Variants in DPP10 observed in about 807,000 individuals in gnomAD.
DPP10 encodes the protein dipeptidyl peptidase like 10, also known as inactive dipeptidyl peptidase 10.
In DPP10, 33 loss-of-function variants were observed where a neutral mutation model predicts 120.9. The observed-to-expected ratio is 0.27, with a 90% CI of 0.21 to 0.37. DPP10 has a LOEUF of 0.37. DPP10 is among the 10% of genes least tolerant of loss of function. The pLI, the probability that DPP10 is intolerant of heterozygous loss-of-function variation, is 1.00. For missense variants in DPP10, 816 were observed against 942.8 expected (o/e 0.87, Z 1.76); for synonymous variants, 337 against 326.1 (o/e 1.03, Z -0.36).
At chr2:115,464,192 G>A (rs538386086) in intron 3 of DPP10, among the ~76,000 whole-genome samples, 2 of 152,280 alleles carry the variant, frequency 1.3e-5, no homozygotes, top group African/African-American at 4.8e-5. Flanking sequence ...GAAGGGTGAT[G>A]TGATAGAGCA....
chr2:115,264,369 C>T (rs574293259), intron 1 of DPP10, among the ~76,000 whole-genome samples: 1 of 152,220 alleles, frequency 6.6e-6, no homozygotes, highest in Admixed American at 6.5e-5. Flanking sequence ...GTCTTTTAAT[C>T]TGGAGCCTAT....
chr2:115,403,000 A>AT (rs1482103247), intron 3 of DPP10, among the ~76,000 whole-genome samples: 8 of 149,276 alleles, frequency 5.4e-5, no homozygotes. Flanking sequence ...ATAAAGATAC[A>AT]TTTTTTAAAT....
At chr2:115,023,975 A>G (rs1198544922) in intron 1 of DPP10, among the ~76,000 whole-genome samples, 1 of 152,100 alleles carries the variant, frequency 6.6e-6, no homozygotes, top group Non-Finnish European at 1.5e-5. Context: ...GCAAAGGGAT[A>G]AGACTAATAC....
intron 1 of DPP10, among the ~76,000 whole-genome samples, chr2:115,036,738 C>A (rs935380818): frequency 6.6e-6 from 1 of 151,940 alleles, no homozygotes; most frequent in African/African-American, 2.4e-5. Flanking sequence ...TGCTCATTAA[C>A]CTATTTTCTA....
chr2:115,070,853 A>G (rs907298523), intron 1 of DPP10, among the ~76,000 whole-genome samples: 56 of 152,280 alleles, frequency 3.7e-4, no homozygotes, highest in African/African-American at 1.3e-3. Context: ...CTAACTTAGA[A>G]TTTTCTCAAA....
At chr2:115,478,915 A>G (rs2075258738) in intron 3 of DPP10, among the ~76,000 whole-genome samples, 1 of 152,212 alleles carries the variant, frequency 6.6e-6, no homozygotes, top group South Asian at 2.1e-4. Flanking sequence ...ATATTTGGTG[A>G]TGACGTGGAG....
At chr2:115,161,801 C>A in intron 1 of DPP10, 1 of 721,638 alleles carries the variant, frequency 1.4e-6, no homozygotes, top group Non-Finnish European at 2.0e-6. Flanking sequence ...CCCGGTGCCG[C>A]TCTTCTTCCC....
chr2:115,840,616 G>T, intron 24 of DPP10, 134 bp from the exon 25 acceptor site: 1 of 875,912 alleles, frequency 1.1e-6, no homozygotes, highest in Non-Finnish European at 1.7e-6. Flanking sequence ...GAGCCACCGT[G>T]CCCAGCCAGA....
At chr2:114,933,272 T>C (rs1696214070) in intron 1 of DPP10, among the ~76,000 whole-genome samples, 1 of 152,190 alleles carries the variant, frequency 6.6e-6, no homozygotes, top group South Asian at 2.1e-4. Flanking sequence ...TTCATCATTT[T>C]CTTAAGGCAT....
At chr2:115,829,420 CA>C (rs1228581903) in intron 21 of DPP10, among the ~76,000 whole-genome samples, 1 of 152,060 alleles carries the variant, frequency 6.6e-6, no homozygotes, top group African/African-American at 2.4e-5. Flanking sequence ...TAACATGCTT[CA>C]TTATAACTCA....
chr2:114,935,824 G>T (rs576033164), intron 1 of DPP10, among the ~76,000 whole-genome samples: 2 of 151,134 alleles, frequency 1.3e-5, no homozygotes, highest in Non-Finnish European at 2.9e-5. Flanking sequence ...AAGCAAGTTT[G>T]GGAACCTTCT....
intron 3 of DPP10, among the ~76,000 whole-genome samples, chr2:115,462,510 T>A (rs1455812344): frequency 6.6e-6 from 1 of 152,116 alleles, no homozygotes; most frequent in Non-Finnish European, 1.5e-5. Context: ...TGGTATGACA[T>A]GGAGGACAAG....
At chr2:115,699,047 A>AAAAAAAAAAAAAAG (rs2091759141) in intron 7 of DPP10, among the ~76,000 whole-genome samples, 1 of 143,802 alleles carries the variant, frequency 7.0e-6, no homozygotes, top group African/African-American at 2.5e-5. Context: ...AAAAAAAAAA[A>AAAAAAAAAAAAAAG]AACAAGAGAA....
chr2:115,562,910 G>A (rs1328667376), intron 5 of DPP10, among the ~76,000 whole-genome samples: 1 of 152,206 alleles, frequency 6.6e-6, no homozygotes, highest in Non-Finnish European at 1.5e-5. Context: ...GGGAATCTCA[G>A]TGATCAGAGA....
intron 1 of DPP10, among the ~76,000 whole-genome samples, chr2:114,996,786 A>G (rs1254066774): frequency 6.6e-6 from 1 of 152,052 alleles, no homozygotes; most frequent in Non-Finnish European, 1.5e-5. Context: ...GATTGAGACC[A>G]TCCTGGCTAA....
At chr2:114,882,276 G>T (rs1416214332) in intron 1 of DPP10, among the ~76,000 whole-genome samples, 1 of 151,954 alleles carries the variant, frequency 6.6e-6, no homozygotes, top group Admixed American at 6.6e-5. Context: ...TCAGCCAACA[G>T]GTGGATAAAG....
chr2:115,498,719 T>C (rs914278903), intron 3 of DPP10, among the ~76,000 whole-genome samples: 1 of 52,440 alleles, frequency 1.9e-5, no homozygotes, highest in Non-Finnish European at 3.3e-5. Flanking sequence ...TATAATTATA[T>C]ATATATATAT....
intron 1 of DPP10, among the ~76,000 whole-genome samples, chr2:114,584,476 T>C (rs1690783194): frequency 6.6e-6 from 1 of 151,806 alleles, no homozygotes; most frequent in Non-Finnish European, 1.5e-5. Context: ...ACATGTGCCA[T>C]GTTGGTGTGC....
chr2:114,641,727 A>G (rs1040181963), intron 1 of DPP10, among the ~76,000 whole-genome samples: 1 of 152,000 alleles, frequency 6.6e-6, no homozygotes, highest in Non-Finnish European at 1.5e-5. Context: ...GAAATTAACC[A>G]TGTAAATGCT....
Sources: allele counts gnomAD v4.1 joint callset (sites outside exome capture counted in the v4.1 genomes callset), GRCh38; gene constraint gnomAD v4.1.1; transcripts MANE v1.5; gene names NCBI Gene and HGNC (gene_info 2026-07-23, HGNC 2026-07-21).